SH3BGR: variants seen among roughly 807,000 people sequenced by gnomAD.
The protein encoded by SH3BGR is SH3 domain-binding glutamic acid-rich protein.
Under a neutral mutation model 24.5 loss-of-function variants are expected in SH3BGR, and 29 were observed. That is an observed-to-expected ratio of 1.18 (90% CI 0.88 to 1.61). The LOEUF is 1.61. SH3BGR is among the 40% of genes most tolerant of loss of function. The pLI is 0.00. For missense variants in SH3BGR, 162 were observed against 205.8 expected, an observed-to-expected ratio of 0.79 and a Z score of 1.30; for synonymous variants, 55 against 65.7, an observed-to-expected ratio of 0.84 and a Z score of 0.79.
At chr21:39,475,604 A>G (rs2078014806) in intron 3 of SH3BGR, among the ~76,000 whole-genome samples, 1 of 152,224 alleles carries the variant, frequency 6.6e-6, no homozygotes, top group African/African-American at 2.4e-5. Context: ...TCATAATGAT[A>G]TATACCCTTA....
At chr21:39,463,370 A>T (rs1282326090) in intron 2 of SH3BGR, among the ~76,000 whole-genome samples, 1 of 152,266 alleles carries the variant, frequency 6.6e-6, no homozygotes, top group Non-Finnish European at 1.5e-5. Context: ...TTTATAGATC[A>T]TACTTAATAA....
intron 2 of SH3BGR, among the ~76,000 whole-genome samples, chr21:39,472,598 C>T (rs1023063049): frequency 6.6e-6 from 1 of 152,158 alleles, no homozygotes; most frequent in Non-Finnish European, 1.5e-5. Context: ...TTTTTAGGAT[C>T]ACACATGGCA....
At chr21:39,479,191 G>A (rs1002339479) in intron 3 of SH3BGR, among the ~76,000 whole-genome samples, 4 of 151,478 alleles carry the variant, frequency 2.6e-5, no homozygotes, top group African/African-American at 7.3e-5. Flanking sequence ...GCAACATAAC[G>A]AGGCTATGTG....
intron 5 of SH3BGR, among the ~76,000 whole-genome samples, chr21:39,510,398 TACACACAC>T (rs34806393): frequency 9.0e-5 from 10 of 111,626 alleles, no homozygotes; most frequent in African/African-American, 3.6e-4. Context: ...ACACTGTAGC[TACACACAC>T]ACACACACAC....
intron 4 of SH3BGR, among the ~76,000 whole-genome samples, chr21:39,505,148 A>G (rs553513872): frequency 2.0e-5 from 3 of 152,232 alleles, no homozygotes; most frequent in Non-Finnish European, 4.4e-5. Context: ...ACCTCATTCT[A>G]TGGGGGATTT....
intron 3 of SH3BGR, among the ~76,000 whole-genome samples, chr21:39,493,343 A>G (rs981923535): frequency 1.3e-5 from 2 of 152,136 alleles, no homozygotes; most frequent in East Asian, 1.9e-4. Context: ...TGGCTTGCCA[A>G]TTATCCCAGC....
intron 4 of SH3BGR, among the ~76,000 whole-genome samples, chr21:39,501,348 G>T (rs1262568103): frequency 6.6e-6 from 1 of 152,114 alleles, no homozygotes; most frequent in Non-Finnish European, 1.5e-5. Context: ...CACTGGGCTG[G>T]GTTAGTTCTG....
intron 1 of SH3BGR, among the ~76,000 whole-genome samples, chr21:39,458,298 T>A (rs2077697621): frequency 6.6e-6 from 1 of 152,126 alleles, no homozygotes; most frequent in Admixed American, 6.5e-5. Flanking sequence ...TACTGTCATG[T>A]CAAAGAAAAT....
chr21:39,513,393 A>C (rs76747482), intron 6 of SH3BGR, among the ~76,000 whole-genome samples: 2 of 152,192 alleles, frequency 1.3e-5, no homozygotes, highest in Non-Finnish European at 2.9e-5. Context: ...CCAAAGTCCA[A>C]TTTGAATAGT....
At chr21:39,471,195 C>T (rs1321589039) in intron 2 of SH3BGR, among the ~76,000 whole-genome samples, 1 of 151,996 alleles carries the variant, frequency 6.6e-6, no homozygotes, top group Admixed American at 6.6e-5. Context: ...TACGATGTGT[C>T]TAGGTTTAGA....
chr21:39,464,519 G>A (rs981709789), intron 2 of SH3BGR, among the ~76,000 whole-genome samples: 10 of 152,120 alleles, frequency 6.6e-5, no homozygotes, highest in Admixed American at 1.3e-4. Flanking sequence ...CACCGCGCCC[G>A]GCCCAAATAA....
At chr21:39,509,110 C>G in intron 5 of SH3BGR, 83 bp downstream of exon 5, 9 of 1,123,968 alleles carry the variant, frequency 8.0e-6, no homozygotes, top group Non-Finnish European at 1.2e-5. Context: ...GCTTGAGGCA[C>G]GTTCTTAATA....
chr21:39,459,372 G>C (rs183316861), intron 1 of SH3BGR, among the ~76,000 whole-genome samples: 1 of 151,856 alleles, frequency 6.6e-6, no homozygotes, highest in Non-Finnish European at 1.5e-5. Context: ...CTACAGGTGC[G>C]TGCCACCATG....
chr21:39,475,539 T>A (rs2078013528), intron 3 of SH3BGR, among the ~76,000 whole-genome samples: 1 of 152,248 alleles, frequency 6.6e-6, no homozygotes, highest in Admixed American at 6.5e-5. Flanking sequence ...AGGTTGTGTT[T>A]ATACAATTAT....
chr21:39,513,027 C>T (rs996459551), intron 6 of SH3BGR, among the ~76,000 whole-genome samples: 1 of 152,060 alleles, frequency 6.6e-6, no homozygotes, highest in Non-Finnish European at 1.5e-5. Context: ...AAAGTTTAGT[C>T]TTTTTATCTC....
intron 2 of SH3BGR, among the ~76,000 whole-genome samples, chr21:39,470,343 C>T (rs978332118): frequency 5.3e-5 from 8 of 151,992 alleles, no homozygotes; most frequent in Admixed American, 5.2e-4. Flanking sequence ...ACTGCAGCCT[C>T]CACCTCCCAG....
At chr21:39,500,007 A>C in intron 4 of SH3BGR, 92 bp downstream of exon 4, 1 of 885,290 alleles carries the variant, frequency 1.1e-6, no homozygotes, top group Non-Finnish European at 1.9e-6. Flanking sequence ...GGGCACAAGC[A>C]GTCAGAAAGA....
At chr21:39,481,021 T>G (rs1340303500) in intron 3 of SH3BGR, among the ~76,000 whole-genome samples, 1 of 152,256 alleles carries the variant, frequency 6.6e-6, no homozygotes, top group Non-Finnish European at 1.5e-5. Flanking sequence ...ATTCATCAAT[T>G]TGGTATCTCT....
At chr21:39,503,007 A>G (rs1391463042) in intron 4 of SH3BGR, among the ~76,000 whole-genome samples, 2 of 144,250 alleles carry the variant, frequency 1.4e-5, no homozygotes, top group African/African-American at 5.2e-5. Context: ...TTCCTCAGGG[A>G]CCGCCTAGCT....
Sources: allele counts gnomAD v4.1 joint callset (sites outside exome capture counted in the v4.1 genomes callset), GRCh38; gene constraint gnomAD v4.1.1; transcripts MANE v1.5; gene names NCBI Gene and HGNC (gene_info 2026-07-23, HGNC 2026-07-21).